The following PBX1 variants were observed in gnomAD, a reference collection of about 807,000 sequenced individuals.
The protein encoded by PBX1 is pre-B-cell leukemia transcription factor 1.
A neutral mutation model predicts 53.4 loss-of-function variants in PBX1; 6 were observed. The ratio of observed to expected loss-of-function variants is 0.11; its 90% CI spans 0.06 to 0.22. The LOEUF (loss-of-function observed/expected upper bound fraction) is 0.22. PBX1 is among the 10% of genes least tolerant of loss of function. PBX1 has a pLI of 1.00. For missense variants in PBX1, 251 were observed against 551.4 expected, an observed-to-expected ratio of 0.46 and a Z score of 5.46; for synonymous variants, 204 against 212.3, an observed-to-expected ratio of 0.96 and a Z score of 0.34.
chr1:164,859,189 G>A (rs935755606), intron 2 of PBX1, among the ~76,000 whole-genome samples: 1 of 152,126 alleles, frequency 6.6e-6, no homozygotes, highest in Non-Finnish European at 1.5e-5. Flanking sequence ...CTTTCTTAGA[G>A]AATGGAACAA....
chr1:164,562,320 A>G (rs1653111893), intron 1 of PBX1, among the ~76,000 whole-genome samples: 1 of 152,140 alleles, frequency 6.6e-6, no homozygotes, highest in South Asian at 2.1e-4. Context: ...AATTTTAGTT[A>G]GTAGACAGAA....
chr1:164,600,519 G>A (rs1290325322), intron 2 of PBX1, among the ~76,000 whole-genome samples: 2 of 152,190 alleles, frequency 1.3e-5, no homozygotes, highest in African/African-American at 2.4e-5. Context: ...AAAGTTTTGG[G>A]ATTACAGGCG....
chr1:164,668,119 C>T lies in PBX1; in HGVS notation c.265+104808C>T, dbSNP rs115699602. ...TTCCTCCTTTACGTTTGGTCAGGAA[C>T]TATGTCATACCACCCTCCTGTCATC... On this transcript the variant is annotated intron_variant, in intron 2 of 8. Coordinates refer to ENST00000420696, the MANE Select transcript of PBX1 (RefSeq NM_002585.4). 7.3e-3 allele frequency among the ~76,000 whole-genome samples: 1,114 copies of T among 152,216 alleles called. 11 individuals carry two copies. The highest frequency in any genetic ancestry group is 0.026 in the African/African-American group (1,062 of 41,514).
At chr1:164,773,704 C>G (rs1667503526) in intron 2 of PBX1, among the ~76,000 whole-genome samples, 2 of 152,164 alleles carry the variant, frequency 1.3e-5, no homozygotes, top group Admixed American at 1.3e-4. Flanking sequence ...ATGACTCTCT[C>G]TTCACCCATG....
chr1:164,806,210 A>T (rs1669337957), intron 4 of PBX1, among the ~76,000 whole-genome samples: 1 of 152,192 alleles, frequency 6.6e-6, no homozygotes, highest in Non-Finnish European at 1.5e-5. Flanking sequence ...AACTATCCAC[A>T]GGCCTTCATT....
chr1:164,824,027 A>T (rs1670296721), intron 8 of PBX1, among the ~76,000 whole-genome samples: 1 of 152,130 alleles, frequency 6.6e-6, no homozygotes, highest in African/African-American at 2.4e-5. Flanking sequence ...ACAAGAAGAG[A>T]CAAGGACAGG....
intron 2 of PBX1, chr1:164,682,289 A>G (rs1661821831): frequency 6.6e-6 from 1 of 152,142 alleles, no homozygotes; most frequent in Non-Finnish European, 1.5e-5. Context: ...TGGATTTGGA[A>G]TCATCCACTT....
At chr1:164,631,883 G>A (rs898076020) in intron 2 of PBX1, among the ~76,000 whole-genome samples, 2 of 152,200 alleles carry the variant, frequency 1.3e-5, no homozygotes, top group African/African-American at 2.4e-5. Flanking sequence ...TGGCTGCAGC[G>A]GAGTCAGGAA....
chr1:164,710,725 T>C (rs1663710860), intron 2 of PBX1, among the ~76,000 whole-genome samples: 1 of 152,146 alleles, frequency 6.6e-6, no homozygotes, highest in South Asian at 2.1e-4. Flanking sequence ...TGGCTTTCTT[T>C]GGTAAAACGG....
At chr1:164,872,555 C>T (rs1672406818) in intron 2 of PBX1, among the ~76,000 whole-genome samples, 3 of 152,158 alleles carry the variant, frequency 2.0e-5, no homozygotes, top group African/African-American at 7.2e-5. Context: ...TATCAACACC[C>T]CTACTAAAGT....
chr1:164,650,194 G>T (rs1460051746), intron 2 of PBX1, among the ~76,000 whole-genome samples: 1 of 151,776 alleles, frequency 6.6e-6, no homozygotes, highest in Non-Finnish European at 1.5e-5. Context: ...TGGACTCTTA[G>T]GCATCTGGTG....
intron 2 of PBX1, among the ~76,000 whole-genome samples, chr1:164,869,234 A>G (rs533371532): frequency 1.3e-5 from 2 of 152,326 alleles, no homozygotes; most frequent in East Asian, 1.9e-4. Flanking sequence ...GATGGCAGTC[A>G]TGATGACTTT....
chr1:164,747,064 A>G (rs996457035), intron 2 of PBX1, among the ~76,000 whole-genome samples: 2 of 152,164 alleles, frequency 1.3e-5, no homozygotes, highest in African/African-American at 4.8e-5. Context: ...CAGGTGAGGA[A>G]TTGAGGCTTA....
chr1:164,823,349 G>A (rs930959121), intron 8 of PBX1, among the ~76,000 whole-genome samples: 8 of 152,088 alleles, frequency 5.3e-5, no homozygotes, highest in African/African-American at 1.9e-4. Flanking sequence ...CTGAGTGCAG[G>A]TTTATACACA....
chr1:164,756,043 C>T (rs1270136925), intron 2 of PBX1, among the ~76,000 whole-genome samples: 1 of 151,656 alleles, frequency 6.6e-6, no homozygotes, highest in Non-Finnish European at 1.5e-5. Context: ...CCCTTGCTTT[C>T]CCCTCTGCAC....
chr1:164,751,279 C>CACT (rs1196552158), intron 2 of PBX1, among the ~76,000 whole-genome samples: 9 of 145,602 alleles, frequency 6.2e-5, no homozygotes, highest in Admixed American at 4.9e-4. Flanking sequence ...CACGCCACTG[C>CACT]ACTCCAGCCT....
chr1:164,680,071 T>C (rs1661671180), intron 2 of PBX1: 2 of 152,200 alleles, frequency 1.3e-5, no homozygotes, highest in South Asian at 2.1e-4. Context: ...GATATATTAG[T>C]CCATTCCATG....
intron 8 of PBX1, among the ~76,000 whole-genome samples, chr1:164,830,534 AAT>A (rs1457076226): frequency 1.3e-5 from 2 of 152,236 alleles, no homozygotes; most frequent in Non-Finnish European, 2.9e-5. Flanking sequence ...GAAGATTTAA[AAT>A]ATAAATATAG....
chr1:164,862,730 T>G (rs1168620798), intron 2 of PBX1, among the ~76,000 whole-genome samples: 1 of 152,106 alleles, frequency 6.6e-6, no homozygotes, highest in East Asian at 1.9e-4. Context: ...CTTGGCTACT[T>G]CCCCAGCACT....
Sources: gnomAD v4.1 joint callset for allele counts (sites outside exome capture counted in the v4.1 genomes callset) on GRCh38, gnomAD v4.1.1 for gene constraint, MANE v1.5 for transcripts, NCBI Gene and HGNC (gene_info 2026-07-23, HGNC 2026-07-21) for gene names.